WDPCP: variants seen among roughly 807,000 people sequenced by gnomAD.
The protein encoded by WDPCP is WD repeat-containing and planar cell polarity effector protein fritz homolog.
Under a neutral mutation model 93.1 loss-of-function variants are expected in WDPCP, and 71 were observed. The observed-to-expected ratio is 0.76, with a 90% CI of 0.63 to 0.93. WDPCP has a LOEUF of 0.93. WDPCP is among the 40% of genes least tolerant of loss of function. WDPCP has a pLI of 0.00. For missense variants in WDPCP, 844 were observed against 887.4 expected (o/e 0.95, Z 0.62); for synonymous variants, 315 against 315.0 (o/e 1.00, Z 0.00).
At chr2:63,211,025 G>C (rs925683362) in intron 14 of WDPCP, among the ~76,000 whole-genome samples, 2 of 152,234 alleles carry the variant, frequency 1.3e-5, no homozygotes, top group South Asian at 2.1e-4. Context: ...CTCTGCTTCT[G>C]GGGGGCAGGG....
chr2:63,688,372 A>T (rs1315937322), intron 2 of WDPCP, among the ~76,000 whole-genome samples: 2 of 151,800 alleles, frequency 1.3e-5, no homozygotes, highest in Non-Finnish European at 2.9e-5. Context: ...GCTCGCAGTG[A>T]GCCGAGATCG....
intron 6 of WDPCP, among the ~76,000 whole-genome samples, chr2:63,448,577 TTA>T (rs1421985676): frequency 6.6e-6 from 1 of 152,132 alleles, no homozygotes; most frequent in Non-Finnish European, 1.5e-5. Context: ...ATTGTTACCA[TTA>T]TGTTTTGTTT....
upstream of WDPCP, among the ~76,000 whole-genome samples, chr2:63,829,560 T>C (rs1671163033): frequency 6.6e-6 from 1 of 152,110 alleles, no homozygotes; most frequent in Non-Finnish European, 1.5e-5. Context: ...AATTATATTA[T>C]ATTACATTCT....
chr2:63,213,559 A>G (rs902427527), intron 14 of WDPCP, among the ~76,000 whole-genome samples: 15 of 152,202 alleles, frequency 9.9e-5, no homozygotes, highest in Non-Finnish European at 1.9e-4. Flanking sequence ...TCACAATTAA[A>G]CGAACTAGAG....
chr2:63,298,344 T>C (rs571668788), intron 13 of WDPCP, among the ~76,000 whole-genome samples: 1 of 152,028 alleles, frequency 6.6e-6, no homozygotes, highest in Non-Finnish European at 1.5e-5. Flanking sequence ...GATTGACGTA[T>C]GCAAAGTATT....
chr2:63,549,261 A>T (rs1296473905), intron 1 of WDPCP, among the ~76,000 whole-genome samples: 5 of 151,466 alleles, frequency 3.3e-5, no homozygotes, highest in African/African-American at 1.2e-4. Context: ...AAAAAAAAAA[A>T]AAAAAAAGAA....
intron 12 of WDPCP, among the ~76,000 whole-genome samples, chr2:63,362,277 T>TTGGGTGGGTGTGTGTGTGTG (rs1553362983): frequency 1.5e-4 from 14 of 94,106 alleles, no homozygotes; most frequent in Middle Eastern, 7.8e-3. Context: ...TTTTTTTTGG[T>TTGGGTGGGTGTGTGTGTGTG]TGTGTGTGTG....
chr2:63,276,801 A>G (rs887159438), intron 13 of WDPCP, among the ~76,000 whole-genome samples: 1 of 152,238 alleles, frequency 6.6e-6, no homozygotes, highest in Non-Finnish European at 1.5e-5. Context: ...TGGAAAACAT[A>G]TTTGAGGGAA....
intron 13 of WDPCP, among the ~76,000 whole-genome samples, chr2:63,269,354 G>A (rs747434019): frequency 1.3e-5 from 2 of 152,048 alleles, no homozygotes; most frequent in Non-Finnish European, 2.9e-5. Context: ...AAATGAAATT[G>A]GCTTCCACTC....
intron 1 of WDPCP, among the ~76,000 whole-genome samples, chr2:63,515,610 C>T (rs1314382708): frequency 6.6e-6 from 1 of 152,168 alleles, no homozygotes; most frequent in African/African-American, 2.4e-5. Context: ...TTTGGAAAAT[C>T]GCCAAAACTT....
chr2:63,645,947 A>G (rs1292522248), intron 3 of WDPCP, among the ~76,000 whole-genome samples: 3 of 151,864 alleles, frequency 2.0e-5, no homozygotes, highest in African/African-American at 7.3e-5. Flanking sequence ...CTTGTTTTTC[A>G]CCCATTCAGC....
Position 63,174,718 on chromosome 2 carries a change from G to A in WDPCP, c.2030C>T (p.Thr677Ile), listed in dbSNP as rs758998604. 6.2e-7 allele frequency: 1 copy of A among 1,613,970 alleles called. No homozygotes were observed. Among genetic ancestry groups the A allele is most frequent in the South Asian group, 1.1e-5 (1 of 91,074 alleles). The change falls in exon 15 of 18, where the codon ACC becomes ATC. Residue 677 changes from threonine to isoleucine, a missense_variant. Coordinates refer to ENST00000272321, the MANE Select transcript of WDPCP (RefSeq NM_015910.7). ...TCTTTGTTGTAAAATATGTCTGTGG[G>A]TTGGGCAAGAGGGAGGGAGGTTATC... The part of the protein sequence containing the change: ...FPDNLPPSCP[T>I]HRHILQQRIL...
At chr2:63,122,480 T>C (rs920617863) in intron 17 of WDPCP, among the ~76,000 whole-genome samples, 5 of 152,210 alleles carry the variant, frequency 3.3e-5, no homozygotes, top group African/African-American at 7.2e-5. Context: ...ATTGAGATAA[T>C]AGTTTATAAA....
chr2:63,567,823 T>C (rs1707186940), intron 1 of WDPCP, among the ~76,000 whole-genome samples: 1 of 152,252 alleles, frequency 6.6e-6, no homozygotes, highest in African/African-American at 2.4e-5. Context: ...TTGACCATTG[T>C]TTGGCCAGTG....
chr2:63,748,875 T>C (rs1669837066), intron 2 of WDPCP, among the ~76,000 whole-genome samples: 1 of 152,064 alleles, frequency 6.6e-6, no homozygotes, highest in African/African-American at 2.4e-5. Flanking sequence ...TGGGATACTA[T>C]AGATTAATTT....
chr2:63,281,556 T>C (rs115284545), intron 13 of WDPCP, among the ~76,000 whole-genome samples: 12,784 of 152,224 alleles, frequency 0.084, 773 homozygotes, highest in Non-Finnish European at 0.13. Flanking sequence ...AAATTTGCAA[T>C]TGCAAAAATA....
chr2:63,506,856 T>A (rs747530901), intron 1 of WDPCP, among the ~76,000 whole-genome samples: 1 of 151,904 alleles, frequency 6.6e-6, no homozygotes, highest in Admixed American at 6.6e-5. Flanking sequence ...GAGAAGGCTA[T>A]GCTGAAAACA....
intron 17 of WDPCP, among the ~76,000 whole-genome samples, chr2:63,147,326 C>T (rs1238271231): frequency 6.6e-6 from 1 of 152,020 alleles, no homozygotes; most frequent in African/African-American, 2.4e-5. Flanking sequence ...AGCAGTACTC[C>T]AAGTGAAGAT....
chr2:63,757,213 A>G (rs1027987548), intron 2 of WDPCP, among the ~76,000 whole-genome samples: 8 of 152,216 alleles, frequency 5.3e-5, no homozygotes, highest in Non-Finnish European at 1.0e-4. Context: ...CAATAAGCAA[A>G]AGGAGCATCT....
Sources: allele counts gnomAD v4.1 joint callset (sites outside exome capture counted in the v4.1 genomes callset), GRCh38; gene constraint gnomAD v4.1.1; transcripts MANE v1.5; gene names NCBI Gene and HGNC (gene_info 2026-07-23, HGNC 2026-07-21).